Variants in LOC122539214 observed in about 807,000 individuals in gnomAD.
chr19:52,664,184 ATTT>A, the LOC122539214 span, among the ~76,000 whole-genome samples: 245 of 141,780 alleles, frequency 1.7e-3, no homozygotes, highest in African/African-American at 2.4e-3. Context: ...CACCAGGCCT[ATTT>A]TTTTTTTTTT....
chr19:52,653,052 A>G, the LOC122539214 span: 1 of 1,485,658 alleles, frequency 6.7e-7, no homozygotes, highest in Non-Finnish European at 9.4e-7. Context: ...TGCCACATTC[A>G]TTACACTTGT....
the LOC122539214 span, chr19:52,651,005 G>A: frequency 6.6e-6 from 1 of 152,182 alleles, no homozygotes; most frequent in East Asian, 1.9e-4. Flanking sequence ...GGTAGATTAG[G>A]TTTAAAACCT....
the LOC122539214 span, among the ~76,000 whole-genome samples, chr19:52,664,895 A>G: frequency 1.3e-5 from 2 of 152,142 alleles, no homozygotes; most frequent in Non-Finnish European, 2.9e-5. Context: ...TGAGGCTGGA[A>G]CAGCTCAGGA....
chr19:52,684,837 G>A, the LOC122539214 span, among the ~76,000 whole-genome samples: 2 of 152,188 alleles, frequency 1.3e-5, no homozygotes, highest in African/African-American at 4.8e-5. Context: ...CATGAGATGA[G>A]GGCAAGCTCC....
the LOC122539214 span, among the ~76,000 whole-genome samples, chr19:52,688,950 GAAAA>G: frequency 0.5 from 63,658 of 127,150 alleles, 15,137 homozygotes; most frequent in African/African-American, 0.57. Context: ...AAGGTTGAAG[GAAAA>G]AAAAAAAAAA....
At chr19:52,687,452 TA>T in the LOC122539214 span, among the ~76,000 whole-genome samples, 1 of 58,216 alleles carries the variant, frequency 1.7e-5, no homozygotes, top group Non-Finnish European at 3.1e-5. Context: ...ATATAAATTA[TA>T]ATATAAATTA....
the LOC122539214 span, among the ~76,000 whole-genome samples, chr19:52,670,479 C>A: frequency 6.6e-6 from 1 of 152,116 alleles, no homozygotes; most frequent in South Asian, 2.1e-4. Flanking sequence ...AAGTAAATTG[C>A]CTTTCTGAGA....
the LOC122539214 span, among the ~76,000 whole-genome samples, chr19:52,687,942 T>C: frequency 6.6e-6 from 1 of 151,870 alleles, no homozygotes; most frequent in African/African-American, 2.4e-5. Flanking sequence ...AACTTCCAAC[T>C]CAATAAGTCA....
chr19:52,655,397 C>G, the LOC122539214 span: 1 of 694,060 alleles, frequency 1.4e-6, no homozygotes, highest in Non-Finnish European at 2.4e-6. Flanking sequence ...AGGATAGTCT[C>G]TAAGAAGCTG....
the LOC122539214 span, among the ~76,000 whole-genome samples, chr19:52,677,731 C>T: frequency 1.3e-5 from 2 of 151,808 alleles, no homozygotes; most frequent in African/African-American, 4.8e-5. Flanking sequence ...AGGTAGAGAT[C>T]GGTTTGTGAA....
chr19:52,671,989 T>C, the LOC122539214 span, among the ~76,000 whole-genome samples: 2 of 152,086 alleles, frequency 1.3e-5, no homozygotes, highest in African/African-American at 2.4e-5. Flanking sequence ...TCCCAGCACT[T>C]TGGGAGGTCG....
chr19:52,675,274 C>T, the LOC122539214 span, among the ~76,000 whole-genome samples: 1 of 152,160 alleles, frequency 6.6e-6, no homozygotes, highest in African/African-American at 2.4e-5. Flanking sequence ...TTTGCATGTA[C>T]GGTAAGTGAG....
chr19:52,677,201 T>A, the LOC122539214 span, among the ~76,000 whole-genome samples: 2 of 141,406 alleles, frequency 1.4e-5, no homozygotes, highest in Admixed American at 7.3e-5. Context: ...AACAAAACAA[T>A]CAAAATCAGC....
chr19:52,677,490 AG>A, the LOC122539214 span, among the ~76,000 whole-genome samples: 1 of 151,822 alleles, frequency 6.6e-6, no homozygotes, highest in Non-Finnish European at 1.5e-5. Context: ...TGTCTCAAAA[AG>A]AAAAAAAGAA....
At chr19:52,688,222 G>A in the LOC122539214 span, among the ~76,000 whole-genome samples, 197 of 152,192 alleles carry the variant, frequency 1.3e-3, 1 homozygote, top group Middle Eastern at 3.4e-3. Flanking sequence ...CCAGGCTGCA[G>A]TGCAGTGGCA....
chr19:52,675,320 G>A, the LOC122539214 span, among the ~76,000 whole-genome samples: 14 of 152,288 alleles, frequency 9.2e-5, no homozygotes, highest in African/African-American at 2.9e-4. Context: ...AGGATCCCAC[G>A]ACATGTACTT....
At chr19:52,656,222 C>A in the LOC122539214 span, among the ~76,000 whole-genome samples, 19 of 127,506 alleles carry the variant, frequency 1.5e-4, no homozygotes, top group South Asian at 1.7e-3. Flanking sequence ...CTCTCTCTCT[C>A]TCTCTATATA....
chr19:52,661,425 G>A, the LOC122539214 span, among the ~76,000 whole-genome samples: 2 of 152,096 alleles, frequency 1.3e-5, no homozygotes, highest in Non-Finnish European at 2.9e-5. Flanking sequence ...CCCATGCAGA[G>A]CACAGCCCCC....
the LOC122539214 span, chr19:52,655,508 A>G: frequency 2.1e-6 from 3 of 1,408,462 alleles, no homozygotes; most frequent in Non-Finnish European, 3.0e-6. Flanking sequence ...AACCAGGAAG[A>G]GCCAAGATAG....
Sources: gnomAD v4.1 joint callset for allele counts (sites outside exome capture counted in the v4.1 genomes callset) on GRCh38, gnomAD v4.1.1 for gene constraint, MANE v1.5 for transcripts.